TTC28: variants seen among roughly 807,000 people sequenced by gnomAD.
TTC28 encodes the protein tetratricopeptide repeat protein 28.
In TTC28, 61 loss-of-function variants were observed where a neutral mutation model predicts 198.0. The observed-to-expected ratio is 0.31, with a 90% CI of 0.25 to 0.38. The LOEUF is 0.38. TTC28 is among the 10% of genes least tolerant of loss of function. The probability of loss-of-function intolerance (pLI) is 1.00; values close to 1 mark genes in which losing one functional copy is unlikely to be tolerated. For synonymous variants in TTC28, 1,171 were observed against 1,297.8 expected, an observed-to-expected ratio of 0.90 and a Z score of 2.10; for missense variants, 2,678 against 3,164.0, an observed-to-expected ratio of 0.85 and a Z score of 3.69.
At chr22:28,409,231 C>A (rs976685953) in intron 2 of TTC28, among the ~76,000 whole-genome samples, 1 of 152,116 alleles carries the variant, frequency 6.6e-6, no homozygotes, top group Non-Finnish European at 1.5e-5. Context: ...TGTTTACTGA[C>A]TCATATTATT....
At chr22:28,637,800 A>G (rs1365139144) in intron 1 of TTC28, among the ~76,000 whole-genome samples, 1 of 152,044 alleles carries the variant, frequency 6.6e-6, no homozygotes, top group African/African-American at 2.4e-5. Flanking sequence ...TACAAAAACT[A>G]TATGCTGCTT....
intron 5 of TTC28, among the ~76,000 whole-genome samples, chr22:28,190,326 G>A (rs758577658): frequency 6.6e-6 from 1 of 152,182 alleles, no homozygotes; most frequent in Non-Finnish European, 1.5e-5. Flanking sequence ...TATAGCAGAG[G>A]TTAAGTGACT....
chr22:28,523,929 C>T (rs997665207), intron 2 of TTC28, among the ~76,000 whole-genome samples: 1 of 151,978 alleles, frequency 6.6e-6, no homozygotes, highest in African/African-American at 2.4e-5. Flanking sequence ...TCCTTTTCCT[C>T]CTTTCAATCC....
At chr22:28,076,780 A>C (rs769055207) in intron 12 of TTC28, among the ~76,000 whole-genome samples, 10 of 152,148 alleles carry the variant, frequency 6.6e-5, no homozygotes, top group Non-Finnish European at 1.5e-4. Flanking sequence ...TAATGTAATA[A>C]ACATGCACTA....
intron 1 of TTC28, among the ~76,000 whole-genome samples, chr22:28,642,102 C>G (rs138419160): frequency 6.6e-6 from 1 of 151,484 alleles, no homozygotes; most frequent in African/African-American, 2.4e-5. Flanking sequence ...AAAACTATTA[C>G]TTTTATTAGA....
intron 1 of TTC28, among the ~76,000 whole-genome samples, chr22:28,643,849 A>G (rs1345937365): frequency 6.6e-6 from 1 of 152,238 alleles, no homozygotes; most frequent in African/African-American, 2.4e-5. Context: ...CCCCTGGCAC[A>G]GTTCTAAGTA....
At chr22:28,623,740 A>G (rs942570271) in intron 2 of TTC28, among the ~76,000 whole-genome samples, 5 of 152,208 alleles carry the variant, frequency 3.3e-5, no homozygotes, top group Admixed American at 6.5e-5. Flanking sequence ...CAACAATAAG[A>G]TAACTAAGAA....
chr22:28,538,556 C>CTTT (rs753754141), intron 2 of TTC28, among the ~76,000 whole-genome samples: 1,181 of 109,506 alleles, frequency 0.011, 46 homozygotes, highest in African/African-American at 0.037. Context: ...GCACCTTTCT[C>CTTT]TTTTTTTTTT....
intron 5 of TTC28, among the ~76,000 whole-genome samples, chr22:28,274,760 A>G (rs1347186899): frequency 6.6e-6 from 1 of 152,100 alleles, no homozygotes; most frequent in Non-Finnish European, 1.5e-5. Context: ...CGGGCGGATC[A>G]CCTGAGGTCA....
intron 6 of TTC28, among the ~76,000 whole-genome samples, chr22:28,133,344 G>A (rs1943107266): frequency 6.6e-6 from 1 of 152,312 alleles, no homozygotes; most frequent in East Asian, 1.9e-4. Context: ...GAGGTACCAG[G>A]TTCATCTCAC....
At chr22:28,176,722 C>T (rs965486497) in intron 5 of TTC28, among the ~76,000 whole-genome samples, 2 of 152,090 alleles carry the variant, frequency 1.3e-5, no homozygotes, top group African/African-American at 4.8e-5. Context: ...AAGAGAAATA[C>T]ATTTTTTAAT....
intron 2 of TTC28, among the ~76,000 whole-genome samples, chr22:28,579,400 A>G (rs1197175617): frequency 6.7e-6 from 1 of 149,296 alleles, no homozygotes; most frequent in Non-Finnish European, 1.5e-5. Context: ...ATATACATAT[A>G]TAACTATACA....
At chr22:28,609,811 G>A (rs189848383) in intron 2 of TTC28, among the ~76,000 whole-genome samples, 4 of 152,288 alleles carry the variant, frequency 2.6e-5, no homozygotes, top group African/African-American at 7.2e-5. Flanking sequence ...CCACCCACAC[G>A]GAGCCCAGCA....
At chr22:28,088,871 C>A (rs921644843) in intron 12 of TTC28, among the ~76,000 whole-genome samples, 2 of 152,228 alleles carry the variant, frequency 1.3e-5, no homozygotes, top group Non-Finnish European at 2.9e-5. Flanking sequence ...ACAGACACTT[C>A]TCAGAAGAAG....
intron 2 of TTC28, among the ~76,000 whole-genome samples, chr22:28,610,099 T>C (rs188724050): frequency 1.8e-4 from 28 of 152,282 alleles, no homozygotes; most frequent in Admixed American, 4.6e-4. Context: ...CAAGGGCTTA[T>C]AGATAAAACC....
chr22:28,292,948 G>A (rs1279407224), intron 5 of TTC28, among the ~76,000 whole-genome samples: 1 of 152,156 alleles, frequency 6.6e-6, no homozygotes, highest in Non-Finnish European at 1.5e-5. Context: ...AGAATGGCCA[G>A]CTAAAACTCT....
chr22:28,176,970 A>G (rs1163441815), intron 5 of TTC28, among the ~76,000 whole-genome samples: 1 of 152,220 alleles, frequency 6.6e-6, no homozygotes, highest in Non-Finnish European at 1.5e-5. Context: ...GAGAAAATCT[A>G]CATGACCTTT....
At chr22:28,566,917 T>G (rs1456384899) in intron 2 of TTC28, among the ~76,000 whole-genome samples, 1 of 151,804 alleles carries the variant, frequency 6.6e-6, no homozygotes, top group African/African-American at 2.4e-5. Flanking sequence ...ACACCATCTC[T>G]AAAAAGGTAA....
intron 2 of TTC28, among the ~76,000 whole-genome samples, chr22:28,462,043 C>T (rs1021967268): frequency 6.6e-6 from 1 of 152,128 alleles, no homozygotes; most frequent in Non-Finnish European, 1.5e-5. Flanking sequence ...CTGATTGTTT[C>T]GTATTTGTTA....
Sources: allele counts gnomAD v4.1 joint callset (sites outside exome capture counted in the v4.1 genomes callset), GRCh38; gene constraint gnomAD v4.1.1; transcripts MANE v1.5; gene names NCBI Gene and HGNC (gene_info 2026-07-23, HGNC 2026-07-21).